Variants in MYO5A observed in about 807,000 individuals in gnomAD.
MYO5A encodes the protein myosin VA, also known as unconventional myosin-Va.
MYO5A carries 98 observed loss-of-function variants against 249.7 expected under a neutral mutation model. That is an observed-to-expected ratio of 0.39 (90% confidence interval 0.33 to 0.46). The LOEUF is 0.46. Among genes scored for constraint, MYO5A ranks in the 20% least tolerant of loss-of-function variants. The probability of loss-of-function intolerance (pLI) is 0.98; values close to 1 mark genes in which losing one functional copy is unlikely to be tolerated. For missense variants in MYO5A, 1,696 were observed against 2,308.8 expected (o/e 0.73, Z 5.44); for synonymous variants, 778 against 810.6 (o/e 0.96, Z 0.68).
chr15:52,468,090 C>G (rs2076386790), intron 1 of MYO5A, among the ~76,000 whole-genome samples: 1 of 152,168 alleles, frequency 6.6e-6, no homozygotes, highest in Non-Finnish European at 1.5e-5. Flanking sequence ...TGGCTCATGT[C>G]TGTAATCCCA....
At chr15:52,460,611 G>A (rs889489279) in intron 1 of MYO5A, among the ~76,000 whole-genome samples, 5 of 152,212 alleles carry the variant, frequency 3.3e-5, no homozygotes, top group Non-Finnish European at 7.3e-5. Context: ...GTCCAGCCTC[G>A]GCTCGGCATC....
chr15:52,495,336 T>C (rs1019524022), intron 1 of MYO5A, among the ~76,000 whole-genome samples: 2 of 152,064 alleles, frequency 1.3e-5, no homozygotes, highest in African/African-American at 2.4e-5. Context: ...TATATGTGGA[T>C]TGTAAAAAAA....
chr15:52,525,331 A>C (rs1406252214), intron 1 of MYO5A, among the ~76,000 whole-genome samples: 1 of 152,206 alleles, frequency 6.6e-6, no homozygotes, highest in Non-Finnish European at 1.5e-5. Flanking sequence ...TCAACAAAAC[A>C]TGTTTTAACC....
intron 16 of MYO5A, among the ~76,000 whole-genome samples, chr15:52,382,512 G>A (rs529798299): frequency 5.1e-4 from 77 of 152,194 alleles, no homozygotes; most frequent in African/African-American, 1.7e-3. Flanking sequence ...CAGAGGTTGC[G>A]GTAAGCCGAG....
chr15:52,432,227 A>G (rs1397199166), intron 2 of MYO5A, among the ~76,000 whole-genome samples: 1 of 152,254 alleles, frequency 6.6e-6, no homozygotes, highest in East Asian at 1.9e-4. Context: ...CCACTAGAAC[A>G]CAACGATATT....
Position 52,343,155 on chromosome 15 carries a change from C to A in MYO5A, c.4002G>T (p.Glu1334Asp). 1 of 1,613,988 alleles carries A rather than the reference C, an allele frequency of 6.2e-7. No homozygotes were observed. The highest frequency in any genetic ancestry group is 2.2e-5 in the East Asian group (1 of 44,878). Residue 1334 changes from glutamate (E) to aspartate (D), a missense_variant, in exon 31 of 42, where the codon GAG becomes GAT. By Grantham distance (45) the Glu-to-Asp change is conservative. This residue lies in a region of MYO5A where 625 missense variants were observed against 908.1 expected (regional missense o/e 0.69). Transcript: ENST00000399233. Reference sequence around the variant, plus strand: ...TTAACCCTTCATAAACCAGCCACAGCTCTCCATCCTCATTCAACTCATGGT... The same window carrying A: ...TTAACCCTTCATAAACCAGCCACAGATCTCCATCCTCATTCAACTCATGGT... Reference protein sequence around the residue: ...LDYHELNEDGELWLVYEGLKQ... With the variant: ...LDYHELNEDGDLWLVYEGLKQ...
intron 32 of MYO5A, among the ~76,000 whole-genome samples, chr15:52,338,641 C>T (rs2039235655): frequency 6.6e-6 from 1 of 152,206 alleles, no homozygotes; most frequent in Non-Finnish European, 1.5e-5. Flanking sequence ...GGAGAAGCAG[C>T]TGACCTACAA....
At chr15:52,459,307 C>A (rs143596332) in intron 1 of MYO5A, among the ~76,000 whole-genome samples, 1 of 151,814 alleles carries the variant, frequency 6.6e-6, no homozygotes, top group East Asian at 1.9e-4. Context: ...GAGGGCCCTG[C>A]CGCCTTCCAC....
At chr15:52,329,080 C>G (rs964138681) in intron 35 of MYO5A, 3 of 152,148 alleles carry the variant, frequency 2.0e-5, no homozygotes, top group African/African-American at 2.4e-5. Flanking sequence ...AATGTAAACT[C>G]TGTAAGACTG....
intron 1 of MYO5A, among the ~76,000 whole-genome samples, chr15:52,455,566 AT>A (rs1218455528): frequency 6.6e-6 from 1 of 152,158 alleles, no homozygotes; most frequent in African/African-American, 2.4e-5. Context: ...CTCAAAAAAA[AT>A]ACTAGCCCAA....
At chr15:52,318,030 A>G (rs1422161505) in intron 39 of MYO5A, among the ~76,000 whole-genome samples, 2 of 152,186 alleles carry the variant, frequency 1.3e-5, no homozygotes, top group African/African-American at 4.8e-5. Context: ...AAAATTCACT[A>G]CACTTCAATG....
intron 9 of MYO5A, among the ~76,000 whole-genome samples, chr15:52,397,924 T>C (rs77256275): frequency 1.9e-3 from 293 of 152,344 alleles, no homozygotes; most frequent in African/African-American, 7.0e-3. Flanking sequence ...AAGGACACTA[T>C]GCTGAGTCCA....
At chr15:52,443,470 T>C (rs1159798618) in intron 1 of MYO5A, among the ~76,000 whole-genome samples, 1 of 152,126 alleles carries the variant, frequency 6.6e-6, no homozygotes, top group African/African-American at 2.4e-5. Flanking sequence ...CGCTTCACTT[T>C]GGGAGGCTGA....
intron 25 of MYO5A, among the ~76,000 whole-genome samples, chr15:52,356,790 A>G (rs1226036319): frequency 8.8e-6 from 1 of 114,196 alleles, no homozygotes; most frequent in Non-Finnish European, 1.6e-5. Context: ...TTTAATTTGC[A>G]TTTCTTTGAC....
rs972612690 is a variant in MYO5A, at chr15:52,412,445, C to T, written c.613-1969G>A. On this transcript the variant is annotated intron_variant, in intron 5 of 41. Coordinates refer to ENST00000399233, the MANE Select transcript of MYO5A (RefSeq NM_001382347.1). The stretch of plus-strand genomic sequence containing the variant: ...AAAAAGAACAAATGAATTAGAAGCC[C>T]GAAGACCTATCAGACCAGGCCCTAT... Among the ~76,000 whole-genome samples, 6 of 152,244 alleles carry T rather than the reference C, an allele frequency of 3.9e-5. No individual in the cohort carries two copies. The South Asian group carries it at 6.2e-4, about 16-fold the overall frequency.
chr15:52,505,855 A>G, intron 1 of MYO5A: 1 of 1,581,460 alleles, frequency 6.3e-7, no homozygotes, highest in Non-Finnish European at 8.5e-7. Context: ...TGCTTTCAAC[A>G]AGATCTAAAA....
intron 1 of MYO5A, among the ~76,000 whole-genome samples, chr15:52,485,259 T>TA (rs72085613): frequency 0.061 from 6,313 of 102,670 alleles, 177 homozygotes; most frequent in Non-Finnish European, 0.074. Context: ...ATTCACTATG[T>TA]AAAAAAAAAA....
chr15:52,411,592 A>T (rs1287944327), intron 5 of MYO5A, among the ~76,000 whole-genome samples: 1 of 152,214 alleles, frequency 6.6e-6, no homozygotes, highest in Admixed American at 6.5e-5. Context: ...GCATATATTA[A>T]ATGTTTAATA....
chr15:52,446,658 G>A (rs1255683269), intron 1 of MYO5A, among the ~76,000 whole-genome samples: 2 of 152,162 alleles, frequency 1.3e-5, no homozygotes, highest in African/African-American at 4.8e-5. Flanking sequence ...AAAGCCACAG[G>A]CATTCAACTC....
Sources: allele counts gnomAD v4.1 joint callset (sites outside exome capture counted in the v4.1 genomes callset), GRCh38; gene constraint gnomAD v4.1.1; regional missense constraint gnomAD v4.1.1; transcripts MANE v1.5; gene names NCBI Gene and HGNC (gene_info 2026-07-23, HGNC 2026-07-21).